Variants in ENOX2 observed in about 807,000 individuals in gnomAD.
ENOX2 encodes the protein APK1 antigen.
In ENOX2, 36 loss-of-function variants were observed where a neutral mutation model predicts 45.0. The observed-to-expected ratio is 0.80, with a 90% CI of 0.61 to 1.06. The LOEUF is 1.06. Ranked by LOEUF, ENOX2 falls within the 50% of genes least tolerant of loss-of-function variation. ENOX2 has a pLI of 0.00. For synonymous variants in ENOX2, 174 were observed against 152.3 expected (o/e 1.14, Z -1.05); for missense variants, 423 against 462.5 (o/e 0.91, Z 0.78).
At chrX:130,889,051 A>G (rs1260051566) in intron 2 of ENOX2, among the ~76,000 whole-genome samples, 1 of 111,839 alleles carries the variant, frequency 8.9e-6, no homozygotes, top group African/African-American at 3.3e-5. Context: ...GTAAAAATCC[A>G]AAGTTATGCT....
intron 3 of ENOX2, among the ~76,000 whole-genome samples, chrX:130,725,281 T>C (rs1035573125): frequency 9.3e-5 from 10 of 108,094 alleles, no homozygotes; most frequent in Admixed American, 6.0e-4. Flanking sequence ...CTATTGCTTT[T>C]CCAGTCCTTG....
chrX:130,890,467 T>G (rs2078969610), intron 2 of ENOX2, among the ~76,000 whole-genome samples: 1 of 111,935 alleles, frequency 8.9e-6, no homozygotes, highest in African/African-American at 3.3e-5. Flanking sequence ...TCTGAGTATT[T>G]TTGTCAAAAA....
intron 1 of ENOX2, among the ~76,000 whole-genome samples, chrX:130,902,577 A>G (rs192616617): frequency 9.1e-6 from 1 of 109,970 alleles, no homozygotes; most frequent in Admixed American, 9.6e-5. Flanking sequence ...AGGAATTCCC[A>G]TGCCCCAAAG....
At chrX:130,821,742 TAAA>T in intron 2 of ENOX2, among the ~76,000 whole-genome samples, 239 of 23,113 alleles carry the variant, frequency 0.01, no homozygotes, top group African/African-American at 0.042. Flanking sequence ...ATAAATAAAT[TAAA>T]AAAAAAAAAA....
chrX:130,762,136 G>A (rs973727573), intron 3 of ENOX2, among the ~76,000 whole-genome samples: 1 of 111,579 alleles, frequency 9.0e-6, no homozygotes, highest in African/African-American at 3.3e-5. Context: ...AACTTTTAAG[G>A]TGGGAACTTA....
intron 2 of ENOX2, among the ~76,000 whole-genome samples, chrX:130,870,573 G>C (rs2078561044): frequency 9.0e-6 from 1 of 111,339 alleles, no homozygotes; most frequent in Non-Finnish European, 1.9e-5. Flanking sequence ...AACGTCAACT[G>C]GGGGGAAGAG....
chrX:130,772,183 T>C (rs1385239637), intron 3 of ENOX2, among the ~76,000 whole-genome samples: 1 of 112,189 alleles, frequency 8.9e-6, no homozygotes, highest in African/African-American at 3.2e-5. Context: ...TGGTGCTTTG[T>C]AGCAAAGGAT....
At chrX:130,703,322 A>G in intron 3 of ENOX2, 68 bp from the exon 4 acceptor site, 7 of 1,039,727 alleles carry the variant, frequency 6.7e-6, no homozygotes, top group Non-Finnish European at 7.7e-6. Context: ...ACTTATAAAC[A>G]TAAATTCTGG....
chrX:130,767,115 G>A (rs1008392787), intron 3 of ENOX2, among the ~76,000 whole-genome samples: 3 of 111,238 alleles, frequency 2.7e-5, no homozygotes, highest in African/African-American at 9.8e-5. Context: ...GGTGAGGTAG[G>A]GTCAAGGATA....
intron 3 of ENOX2, among the ~76,000 whole-genome samples, chrX:130,726,476 T>C (rs1170884551): frequency 8.9e-6 from 1 of 112,264 alleles, no homozygotes. Flanking sequence ...CAGTTTCAAA[T>C]ACAAAGGTTA....
intron 3 of ENOX2, among the ~76,000 whole-genome samples, chrX:130,743,779 C>T (rs2039038954): frequency 9.0e-6 from 1 of 111,076 alleles, no homozygotes; most frequent in East Asian, 2.8e-4. Context: ...CATGCCCGAC[C>T]CCTGTGAGGG....
Position 130,736,372 on chromosome X carries a change from G to A in ENOX2, c.-38-33118C>T, listed in dbSNP as rs79824161. Among the ~76,000 whole-genome samples the A allele has an allele frequency of 9.1e-3, 1,006 of 110,274 alleles. 15 individuals carry two copies. Among genetic ancestry groups the A allele is most frequent in the African/African-American group, 0.032 (969 of 30,343 alleles). On this transcript the variant is annotated intron_variant, in intron 3 of 14. Transcript: ENST00000394363. ...AGACTCCATCTCAAAAAAAAAAAAT[G>A]CTATGGGATTGTGGCTATACAACTT...
intron 3 of ENOX2, among the ~76,000 whole-genome samples, chrX:130,766,592 T>C (rs1340310233): frequency 2.7e-5 from 3 of 111,801 alleles, no homozygotes; most frequent in Non-Finnish European, 5.7e-5. Context: ...TTGAAATGTA[T>C]ACTCTTGTAA....
At chrX:130,668,015 A>G (rs1447224477) in intron 7 of ENOX2, among the ~76,000 whole-genome samples, 2 of 109,625 alleles carry the variant, frequency 1.8e-5, no homozygotes, top group African/African-American at 6.7e-5. Flanking sequence ...TTCTGTACTG[A>G]TATATAGGTT....
At chrX:130,860,980 T>C (rs2078398704) in intron 2 of ENOX2, among the ~76,000 whole-genome samples, 1 of 111,666 alleles carries the variant, frequency 9.0e-6, no homozygotes, top group South Asian at 3.7e-4. Flanking sequence ...CAGACATCTA[T>C]AAAAATGACC....
intron 5 of ENOX2, 50 bp downstream of exon 5, chrX:130,688,813 T>C: frequency 9.0e-6 from 9 of 996,653 alleles, no homozygotes; most frequent in Non-Finnish European, 1.2e-5. Context: ...GAAAGCTTTC[T>C]TGTACACTAA....
intron 2 of ENOX2, among the ~76,000 whole-genome samples, chrX:130,829,053 T>G (rs1016571976): frequency 1.8e-5 from 2 of 111,826 alleles, no homozygotes; most frequent in African/African-American, 6.5e-5. Flanking sequence ...ATTTAGCCCT[T>G]CTAGCCTCAC....
chrX:130,654,595 C>T (rs2036496998), intron 10 of ENOX2, among the ~76,000 whole-genome samples: 1 of 111,922 alleles, frequency 8.9e-6, no homozygotes, highest in Admixed American at 9.4e-5. Flanking sequence ...TTGAGTACTA[C>T]AGAAGTGAGA....
intron 10 of ENOX2, among the ~76,000 whole-genome samples, chrX:130,655,679 G>A (rs773542187): frequency 4.7e-4 from 53 of 112,017 alleles, no homozygotes; most frequent in African/African-American, 1.6e-3. Context: ...TTGTTGCCCA[G>A]GCTGGAGTGC....
Sources: allele counts gnomAD v4.1 joint callset (sites outside exome capture counted in the v4.1 genomes callset), GRCh38; gene constraint gnomAD v4.1.1; transcripts MANE v1.5; gene names NCBI Gene and HGNC (gene_info 2026-07-23, HGNC 2026-07-21).